FER: variants seen among roughly 807,000 people sequenced by gnomAD.
FER encodes the protein tyrosine-protein kinase Fer.
In FER, 63 loss-of-function variants were observed where a neutral mutation model predicts 111.0. That is an observed-to-expected ratio of 0.57 (90% CI 0.46 to 0.70). The LOEUF is 0.70. FER is among the 30% of genes least tolerant of loss of function. The probability of loss-of-function intolerance (pLI) is 0.00; values close to 1 mark genes in which losing one functional copy is unlikely to be tolerated. For missense variants in FER, 914 were observed against 954.0 expected (o/e 0.96, Z 0.55); for synonymous variants, 327 against 313.9 (o/e 1.04, Z -0.44).
rs1759400357 is a variant in FER at position 109,191,783 on chromosome 5, C to T, written c.*4208C>T. 1 of 151,934 alleles carries T rather than the reference C, an allele frequency of 6.6e-6. No homozygotes were observed. Among genetic ancestry groups the T allele is most frequent in the South Asian group, 2.1e-4 (1 of 4,818 alleles). The allele number at this position is 151,934 out of a possible 1,614,324, so 9.4% of individuals were successfully genotyped here. A position where few individuals can be genotyped will look rare whatever the true frequency, so the allele number is the denominator to read the frequency against. On this transcript the variant is annotated 3_prime_UTR_variant, in exon 20 of 20. Transcript: ENST00000281092. ...TATTTTTCTATGTTTTGATTAGTTT[C>T]ACATCAAGTCTGAATACTATATTTT...
Position 108,867,749 on chromosome 5 carries a change from AG to A in FER, c.482-17del, listed in dbSNP as rs1764213018. 1.4e-6 allele frequency: 2 copies of A among 1,462,910 alleles called. No homozygotes were observed. The highest frequency in any genetic ancestry group is 1.8e-4 in the Middle Eastern group (1 of 5,694). The allele number at this position is 1,462,910 out of a possible 1,614,324, so 90.6% of individuals were successfully genotyped here. On this transcript the variant is annotated splice_polypyrimidine_tract_variant and intron_variant, in intron 5 of 19. Coordinates refer to ENST00000281092, the MANE Select transcript of FER (RefSeq NM_005246.4). Reference sequence around the variant, plus strand: ...TCTTATCTCTTTACTAACTTTCTTCAGTTTTTTTTTTTTTCAGGGAAGGAAA... The same window carrying A: ...TCTTATCTCTTTACTAACTTTCTTCATTTTTTTTTTTTTCAGGGAAGGAAA...
At chr5:108,934,363 ATTGT>A (rs1259214703) in intron 10 of FER, among the ~76,000 whole-genome samples, 2 of 152,156 alleles carry the variant, frequency 1.3e-5, no homozygotes, top group Admixed American at 6.6e-5. Context: ...TCTACCACTG[ATTGT>A]TTAAGACCAT....
chr5:109,116,493 A>C (rs925159853), intron 17 of FER, among the ~76,000 whole-genome samples: 1 of 152,036 alleles, frequency 6.6e-6, no homozygotes, highest in African/African-American at 2.4e-5. Flanking sequence ...TTGAAAGTAT[A>C]TTTTGACAAT....
Position 108,869,536 on chromosome 5 carries a change from G to T in FER, c.665+1586G>T, listed in dbSNP as rs1338473531. Among the ~76,000 whole-genome samples the T allele has an allele frequency of 2.6e-5, 4 of 152,218 alleles. No homozygotes were observed. The East Asian group carries it at 7.7e-4, about 29-fold the overall frequency. Reference sequence around the variant, plus strand: ...GTAGGCCCTAAATCCAATGGCTGGAGTCTTTATAAGAAGACGGGAGGAAGG... The same window carrying T: ...GTAGGCCCTAAATCCAATGGCTGGATTCTTTATAAGAAGACGGGAGGAAGG... On this transcript the variant is annotated intron_variant, in intron 6 of 19. Coordinates refer to ENST00000281092, the MANE Select transcript of FER (RefSeq NM_005246.4).
chr5:108,806,406 C>T (rs1347647516), intron 3 of FER, among the ~76,000 whole-genome samples: 2 of 152,184 alleles, frequency 1.3e-5, no homozygotes, highest in African/African-American at 4.8e-5. Context: ...TACTGGGGCA[C>T]CACCTAGTGG....
rs190802102 is a variant in FER at position 108,917,455 on chromosome 5, T to C, written c.1236+19607T>C. Among the ~76,000 whole-genome samples the C allele has an allele frequency of 5.3e-5, 8 of 150,160 alleles. No homozygotes were observed. The East Asian group carries it at 1.5e-3, about 29-fold the overall frequency. On this transcript the variant is annotated intron_variant, in intron 10 of 19. Transcript: ENST00000281092. ...CTCCACAGGAATATGAAAGTCTAAT[T>C]TAACTTTTTTTCAGATAAGTCAGTT...
chr5:108,782,206 C>T (rs1754164329), intron 2 of FER, among the ~76,000 whole-genome samples: 1 of 152,146 alleles, frequency 6.6e-6, no homozygotes, highest in African/African-American at 2.4e-5. Context: ...CTTCATTTCT[C>T]TTACTGATCC....
chr5:109,053,689 C>CTTT (rs1773178228), intron 16 of FER, among the ~76,000 whole-genome samples: 2 of 123,640 alleles, frequency 1.6e-5, no homozygotes, highest in Non-Finnish European at 1.7e-5. Context: ...GAGTGGAGTT[C>CTTT]TATTTTTTTT....
intron 3 of FER, among the ~76,000 whole-genome samples, chr5:108,800,598 C>T (rs1357302906): frequency 6.6e-6 from 1 of 152,162 alleles, no homozygotes; most frequent in African/African-American, 2.4e-5. Flanking sequence ...AGCAATCCTC[C>T]CACCTTGGCC....
chr5:109,020,452 A>C (rs919768450), intron 13 of FER, among the ~76,000 whole-genome samples: 1 of 151,938 alleles, frequency 6.6e-6, no homozygotes, highest in Admixed American at 6.6e-5. Context: ...CATCCTTTTC[A>C]TTCTTTGTTA....
intron 10 of FER, among the ~76,000 whole-genome samples, chr5:108,929,822 G>A (rs1461915603): frequency 1.3e-5 from 2 of 152,128 alleles, no homozygotes. Flanking sequence ...ACAAAGCAGA[G>A]TCTCGTAGCC....
At chr5:109,091,278 T>C (rs1008819333) in intron 16 of FER, among the ~76,000 whole-genome samples, 1 of 152,210 alleles carries the variant, frequency 6.6e-6, no homozygotes, top group Non-Finnish European at 1.5e-5. Context: ...TTTCCAGGGA[T>C]GCTTCAAGTT....
At chr5:109,126,439 A>G (rs1751739162) in intron 17 of FER, among the ~76,000 whole-genome samples, 1 of 152,236 alleles carries the variant, frequency 6.6e-6, no homozygotes, top group African/African-American at 2.4e-5. Context: ...AGTTCTTGGA[A>G]GAAAAAGAAT....
In FER at chr5:109,003,973, G is replaced by A. The variant is rs145404027; in HGVS notation, c.1657-33449G>A. Among the ~76,000 whole-genome samples the A allele has an allele frequency of 6.4e-4, 97 of 152,210 alleles. 1 individual carries two copies. The highest frequency in any genetic ancestry group is 2.3e-3 in the African/African-American group (94 of 41,532). ...TCAGCCTGGGCGACGGTGTAAGACCGGGTCTCAAGAAACAAAACCAAACAA... is the reference window on the plus strand; with the variant it reads ...TCAGCCTGGGCGACGGTGTAAGACCAGGTCTCAAGAAACAAAACCAAACAA... On this transcript the variant is annotated intron_variant, in intron 13 of 19. Transcript: ENST00000281092.
chr5:108,759,897 A>T (rs1751533076), intron 1 of FER, among the ~76,000 whole-genome samples: 1 of 152,232 alleles, frequency 6.6e-6, no homozygotes, highest in Admixed American at 6.5e-5. Flanking sequence ...CACACATTCA[A>T]ACTATAGCAA....
intron 13 of FER, among the ~76,000 whole-genome samples, chr5:108,987,265 G>A (rs751188028): frequency 2.2e-4 from 34 of 152,100 alleles, no homozygotes; most frequent in Non-Finnish European, 1.9e-4. Context: ...GGCCAACATG[G>A]CGAAACCCCA....
intron 17 of FER, among the ~76,000 whole-genome samples, chr5:109,168,503 A>G (rs1756780193): frequency 6.6e-6 from 1 of 152,112 alleles, no homozygotes; most frequent in South Asian, 2.1e-4. Context: ...ATAAAAACCC[A>G]AAAGGACAGT....
rs550426313 is a variant in FER, at chr5:108,992,498, C to T, written c.1656+33151C>T. Among the ~76,000 whole-genome samples, 1,226 of 146,456 alleles carry T rather than the reference C, an allele frequency of 8.4e-3. 9 individuals carry two copies. Among genetic ancestry groups the T allele is most frequent in the Non-Finnish European group, 0.014 (915 of 66,440 alleles). On this transcript the variant is annotated intron_variant, in intron 13 of 19. Transcript: ENST00000281092. ...CTCCCGGACGGGGTGGCTGGCCGGG[C>T]GGGGGGCTGACCCCCCACCTCCCTC...
chr5:109,157,592 C>T (rs1290212092), intron 17 of FER, among the ~76,000 whole-genome samples: 2 of 151,908 alleles, frequency 1.3e-5, no homozygotes, highest in Non-Finnish European at 2.9e-5. Context: ...CTGTTAACTT[C>T]AATAGATTTC....
Sources: allele counts gnomAD v4.1 joint callset (sites outside exome capture counted in the v4.1 genomes callset), GRCh38; gene constraint gnomAD v4.1.1; transcripts MANE v1.5; gene names NCBI Gene and HGNC (gene_info 2026-07-23, HGNC 2026-07-21).